Variants in ST8SIA1 observed in about 807,000 individuals in gnomAD.
The protein encoded by ST8SIA1 is alpha-N-acetylneuraminide alpha-2,8-sialyltransferase.
A neutral mutation model predicts 35.9 loss-of-function variants in ST8SIA1; 16 were observed. That is an observed-to-expected ratio of 0.45 (90% CI 0.30 to 0.68). The LOEUF (loss-of-function observed/expected upper bound fraction) is 0.68, where lower values mean the gene tolerates loss of function less well. Among genes scored for constraint, ST8SIA1 ranks in the 30% least tolerant of loss-of-function variants. ST8SIA1 has a pLI of 0.09. For missense variants in ST8SIA1, 383 were observed against 453.6 expected (o/e 0.84, Z 1.41); for synonymous variants, 170 against 169.6 (o/e 1.00, Z -0.02).
intron 1 of ST8SIA1, among the ~76,000 whole-genome samples, chr12:22,299,312 A>G (rs1474725058): frequency 6.6e-6 from 1 of 152,184 alleles, no homozygotes; most frequent in East Asian, 1.9e-4. Flanking sequence ...GAACCAGGAA[A>G]TAAGACAGAT....
rs994013356 is a variant in ST8SIA1 at position 22,327,503 on chromosome 12, G to C, written c.236+6494C>G. 6.0e-4 allele frequency among the ~76,000 whole-genome samples: 92 copies of C among 152,316 alleles called. 1 individual carries two copies. The highest frequency in any genetic ancestry group is 2.1e-3 in the African/African-American group (87 of 41,570). On this transcript the variant is annotated intron_variant, in intron 1 of 4. Transcript: ENST00000396037. ...GAAAATGCCCCACGCAGGCAGGCAG[G>C]CTGCAGAAGTAGAGTTGGGTCATTT...
rs574124266 is a variant in ST8SIA1 at position 22,249,249 on chromosome 12, C to T, written c.492-151G>A. 4.7e-4 allele frequency: 270 copies of T among 570,176 alleles called. 5 individuals are homozygous for T. In the South Asian group the frequency reaches 4.8e-3, roughly 10 times the overall value. The allele number at this position is 570,176 out of a possible 1,614,324, so 35.3% of individuals were successfully genotyped here. A position where few individuals can be genotyped will look rare whatever the true frequency, so the allele number is the denominator to read the frequency against. ...TTTTTTTTTTTTTGAGATGGAGTCT[C>T]GCTCTGTTGCCCAGGCTGGAGTACA... On this transcript the variant is annotated intron_variant, in intron 3 of 4. Transcript: ENST00000396037.
At chr12:22,215,839 G>T (rs540116398) in intron 4 of ST8SIA1, among the ~76,000 whole-genome samples, 2 of 152,260 alleles carry the variant, frequency 1.3e-5, no homozygotes, top group East Asian at 1.9e-4. Context: ...GCCACATAAA[G>T]TGGCCATTAT....
intron 2 of ST8SIA1, among the ~76,000 whole-genome samples, chr12:22,264,533 C>T (rs533983395): frequency 1.3e-5 from 2 of 152,202 alleles, no homozygotes; most frequent in African/African-American, 2.4e-5. Context: ...TTTAACTAGC[C>T]CCTTGGCAGT....
intron 1 of ST8SIA1, among the ~76,000 whole-genome samples, chr12:22,303,733 A>T (rs1045226675): frequency 6.6e-6 from 1 of 150,754 alleles, no homozygotes; most frequent in African/African-American, 2.4e-5. Flanking sequence ...TCTTTTTCCC[A>T]TTGGGTTTGA....
intron 4 of ST8SIA1, among the ~76,000 whole-genome samples, chr12:22,211,445 T>G (rs891579218): frequency 6.6e-6 from 1 of 152,212 alleles, no homozygotes; most frequent in African/African-American, 2.4e-5. Flanking sequence ...CAACCATGAT[T>G]GCATGCTAAC....
intron 4 of ST8SIA1, among the ~76,000 whole-genome samples, chr12:22,240,070 C>A (rs1865522717): frequency 1.3e-5 from 2 of 152,066 alleles, no homozygotes; most frequent in Admixed American, 1.3e-4. Context: ...TATCCAAGAA[C>A]AAAATGTATT....
intron 4 of ST8SIA1, among the ~76,000 whole-genome samples, chr12:22,225,776 T>C (rs939616894): frequency 6.6e-6 from 1 of 152,180 alleles, no homozygotes; most frequent in Non-Finnish European, 1.5e-5. Flanking sequence ...CCACCTTTGG[T>C]TTGGTGCTTT....
chr12:22,299,732 T>C (rs1866295299), intron 1 of ST8SIA1, among the ~76,000 whole-genome samples: 2 of 152,142 alleles, frequency 1.3e-5, no homozygotes, highest in African/African-American at 2.4e-5. Context: ...ATAGGAGATT[T>C]TAATTTTTTT....
intron 2 of ST8SIA1, among the ~76,000 whole-genome samples, chr12:22,260,437 C>A (rs1291879344): frequency 6.6e-6 from 1 of 152,186 alleles, no homozygotes; most frequent in African/African-American, 2.4e-5. Flanking sequence ...TGAGATAAGG[C>A]ATGAGCCACC....
At chr12:22,268,998 A>T (rs1356577192) in intron 2 of ST8SIA1, among the ~76,000 whole-genome samples, 2 of 152,136 alleles carry the variant, frequency 1.3e-5, no homozygotes, top group East Asian at 1.9e-4. Flanking sequence ...ATTTTTTTTT[A>T]AAGTAAAGCC....
chr12:22,305,894 T>A (rs1349989025), intron 1 of ST8SIA1, among the ~76,000 whole-genome samples: 1 of 152,216 alleles, frequency 6.6e-6, no homozygotes, highest in Non-Finnish European at 1.5e-5. Flanking sequence ...AAAATTACCA[T>A]AACTTCTAAT....
intron 4 of ST8SIA1, among the ~76,000 whole-genome samples, chr12:22,207,912 A>G (rs1865130990): frequency 6.6e-6 from 1 of 152,128 alleles, no homozygotes; most frequent in African/African-American, 2.4e-5. Flanking sequence ...TGGGAGGCCA[A>G]TGTGGACAGA....
intron 1 of ST8SIA1, among the ~76,000 whole-genome samples, chr12:22,300,548 C>T (rs1392545662): frequency 6.6e-6 from 1 of 152,068 alleles, no homozygotes; most frequent in Non-Finnish European, 1.5e-5. Context: ...ATCTCATGGT[C>T]AAGATTACAA....
chr12:22,205,775 T>TA (rs549412250), intron 4 of ST8SIA1, among the ~76,000 whole-genome samples: 32 of 148,212 alleles, frequency 2.2e-4, no homozygotes, highest in East Asian at 7.8e-4. Flanking sequence ...TTACAAAAAC[T>TA]AAAAAAAAAA....
chr12:22,331,550 G>GA (rs576912448), intron 1 of ST8SIA1, among the ~76,000 whole-genome samples: 4 of 152,192 alleles, frequency 2.6e-5, no homozygotes, highest in Non-Finnish European at 5.9e-5. Context: ...TCAGACTGGA[G>GA]AAAAACAGAT....
intron 4 of ST8SIA1, among the ~76,000 whole-genome samples, chr12:22,212,091 A>T (rs981649407): frequency 2.0e-5 from 3 of 152,148 alleles, no homozygotes; most frequent in Admixed American, 2.0e-4. Flanking sequence ...TATTCTTATA[A>T]TGTTGTCTGT....
intron 4 of ST8SIA1, among the ~76,000 whole-genome samples, chr12:22,227,520 C>A (rs185993206): frequency 6.6e-6 from 1 of 151,858 alleles, no homozygotes; most frequent in African/African-American, 2.4e-5. Flanking sequence ...TGCAGTTAGC[C>A]GAGATCGTGC....
intron 1 of ST8SIA1, chr12:22,325,714 G>A (rs1866667216): frequency 3.3e-6 from 2 of 613,504 alleles, no homozygotes; most frequent in Non-Finnish European, 5.7e-6. Flanking sequence ...ACATGCCTAT[G>A]ATAAAATTTG....
Sources: gnomAD v4.1 joint callset for allele counts (sites outside exome capture counted in the v4.1 genomes callset) on GRCh38, gnomAD v4.1.1 for gene constraint, MANE v1.5 for transcripts, NCBI Gene and HGNC (gene_info 2026-07-23, HGNC 2026-07-21) for gene names.